Variants in ARK2N observed in about 807,000 individuals in gnomAD.
The protein encoded by ARK2N is arkadia (RNF111) N-terminal like PKA signaling regulator 2N, also known as protein ARK2N.
At chr18:46,224,967 A>C in the ARK2N span, among the ~76,000 whole-genome samples, 8 of 152,260 alleles carry the variant, frequency 5.3e-5, no homozygotes, top group Non-Finnish European at 1.2e-4. Context: ...AGGAGTGCCC[A>C]GGGAAGTTAC....
chr18:46,238,793 T>C, the ARK2N span, among the ~76,000 whole-genome samples: 1 of 152,206 alleles, frequency 6.6e-6, no homozygotes, highest in Non-Finnish European at 1.5e-5. Flanking sequence ...CAGTGACAAT[T>C]GACACAATGG....
the ARK2N span, among the ~76,000 whole-genome samples, chr18:46,202,191 A>G: frequency 1.3e-5 from 2 of 152,080 alleles, no homozygotes; most frequent in Non-Finnish European, 2.9e-5. Flanking sequence ...TTTATGTCCA[A>G]TTTTTAGCTC....
At chr18:46,266,111 A>G in the ARK2N span, 3 of 152,228 alleles carry the variant, frequency 2.0e-5, no homozygotes, top group Admixed American at 2.0e-4. Flanking sequence ...ATTCTTGGCA[A>G]TCAAACATCC....
At chr18:46,250,754 G>C in the ARK2N span, among the ~76,000 whole-genome samples, 1 of 152,064 alleles carries the variant, frequency 6.6e-6, no homozygotes, top group Non-Finnish European at 1.5e-5. Context: ...AGTCCAGACA[G>C]CTTACCATGA....
At chr18:46,244,541 A>G in the ARK2N span, among the ~76,000 whole-genome samples, 1 of 149,470 alleles carries the variant, frequency 6.7e-6, no homozygotes, top group Non-Finnish European at 1.5e-5. Context: ...ATAGTGAAGG[A>G]GATGAAGTAT....
chr18:46,175,978 C>T, the ARK2N span, among the ~76,000 whole-genome samples: 9 of 152,150 alleles, frequency 5.9e-5, no homozygotes, highest in Non-Finnish European at 1.3e-4. Context: ...TGTCATAATA[C>T]TCTTTGTTTT....
At chr18:46,252,828 G>A in the ARK2N span, among the ~76,000 whole-genome samples, 8 of 152,166 alleles carry the variant, frequency 5.3e-5, no homozygotes, top group Non-Finnish European at 4.4e-5. Flanking sequence ...TGTTTTTAGA[G>A]CCATGTACTT....
chr18:46,219,627 G>C, the ARK2N span, among the ~76,000 whole-genome samples: 3 of 152,068 alleles, frequency 2.0e-5, no homozygotes, highest in African/African-American at 7.2e-5. Flanking sequence ...GTGCCACCAT[G>C]CCCAGCTAAT....
At chr18:46,216,337 G>A in the ARK2N span, 1 of 1,614,026 alleles carries the variant, frequency 6.2e-7, no homozygotes, top group Non-Finnish European at 8.5e-7. The surrounding 1 kb of genome is among the most constrained non-coding windows in gnomAD (Gnocchi z 4.3). Context: ...TTCCACTATG[G>A]CTGCCAAGAA....
the ARK2N span, among the ~76,000 whole-genome samples, chr18:46,250,136 C>T: frequency 1.3e-5 from 2 of 152,074 alleles, no homozygotes; most frequent in East Asian, 3.9e-4. Context: ...CCTCTTTAGA[C>T]CTCTGACCTG....
At chr18:46,225,897 ACAAT>A in the ARK2N span, among the ~76,000 whole-genome samples, 1 of 152,230 alleles carries the variant, frequency 6.6e-6, no homozygotes, top group African/African-American at 2.4e-5. Context: ...CCATATTTAT[ACAAT>A]AGTGGGAGCC....
chr18:46,195,850 A>G, the ARK2N span, among the ~76,000 whole-genome samples: 2,161 of 152,234 alleles, frequency 0.014, 62 homozygotes, highest in African/African-American at 0.049. Flanking sequence ...TGCTGGTATT[A>G]TAGGCATGAG....
chr18:46,184,590 CA>C, the ARK2N span, among the ~76,000 whole-genome samples: 7 of 152,128 alleles, frequency 4.6e-5, no homozygotes, highest in Admixed American at 4.6e-4. Flanking sequence ...GGCTTGGTGG[CA>C]TGCGGCTGTA....
At chr18:46,265,759 C>T in the ARK2N span, 2 of 152,590 alleles carry the variant, frequency 1.3e-5, no homozygotes, top group Non-Finnish European at 2.9e-5. Flanking sequence ...GTATACAGCT[C>T]CTGTGACATT....
chr18:46,215,996 C>T, the ARK2N span: 8 of 1,614,000 alleles, frequency 5.0e-6, no homozygotes, highest in African/African-American at 9.3e-5. Context: ...GAACTGGAAT[C>T]TCAAGTTCAG....
At chr18:46,249,478 CGCCTCG>C in the ARK2N span, among the ~76,000 whole-genome samples, 2 of 151,382 alleles carry the variant, frequency 1.3e-5, no homozygotes, top group African/African-American at 4.9e-5. Flanking sequence ...GTGATCCACC[CGCCTCG>C]GCCTCCCAAA....
the ARK2N span, among the ~76,000 whole-genome samples, chr18:46,248,676 C>G: frequency 6.6e-6 from 1 of 152,132 alleles, no homozygotes; most frequent in Non-Finnish European, 1.5e-5. Flanking sequence ...CCTCCGCCTC[C>G]TGGGTTCAAG....
the ARK2N span, among the ~76,000 whole-genome samples, chr18:46,174,891 G>T: frequency 4.6e-5 from 7 of 152,194 alleles, no homozygotes; most frequent in Non-Finnish European, 8.8e-5. Flanking sequence ...GGGAGAAAAG[G>T]CTTTCTTATA....
At chr18:46,218,709 T>C in the ARK2N span, 1 of 152,202 alleles carries the variant, frequency 6.6e-6, no homozygotes, top group East Asian at 1.9e-4. Context: ...ACCTTATGAC[T>C]TTGGGGAAGA....
Sources: gnomAD v4.1 joint callset for allele counts (sites outside exome capture counted in the v4.1 genomes callset) on GRCh38, gnomAD v4.1.1 for gene constraint, Gnocchi (gnomAD v3.1) non-coding constraint, MANE v1.5 for transcripts, NCBI Gene and HGNC (gene_info 2026-07-23, HGNC 2026-07-21) for gene names.